RNF128: variants seen among roughly 807,000 people sequenced by gnomAD.
RNF128 encodes ring finger protein 128, also known as E3 ubiquitin-protein ligase RNF128.
In RNF128, 13 loss-of-function variants were observed where a neutral mutation model predicts 26.2. That is an observed-to-expected ratio of 0.50 (90% confidence interval 0.32 to 0.79). The LOEUF (loss-of-function observed/expected upper bound fraction) is 0.79, where lower values mean the gene tolerates loss of function less well. Among genes scored for constraint, RNF128 ranks in the 30% least tolerant of loss-of-function variants. The probability of loss-of-function intolerance (pLI) is 0.03; values close to 1 mark genes in which losing one functional copy is unlikely to be tolerated. For synonymous variants in RNF128, 149 were observed against 142.5 expected (o/e 1.05, Z -0.32); for missense variants, 315 against 349.7 (o/e 0.90, Z 0.79).
At chrX:106,766,431 A>C (rs985644483) in intron 1 of RNF128, among the ~76,000 whole-genome samples, 1 of 111,907 alleles carries the variant, frequency 8.9e-6, no homozygotes, top group Non-Finnish European at 1.9e-5. Context: ...ATGGTATCTC[A>C]TTGTAGTTTG....
chrX:106,772,941 C>T lies in RNF128; in HGVS notation c.513C>T (p.Ile171=), dbSNP rs201268269. The change falls in exon 2 of 7, where the codon ATC becomes ATT. Residue 171 remains isoleucine (I), a synonymous_variant. Coordinates refer to ENST00000255499, the MANE Select transcript of RNF128 (RefSeq NM_194463.2). ...CAGTAGACATTGTTGCAATCATGAT[C>T]GGCAATCTGAAAGGCACAAAAATTC... ...PGAVDIVAIM[I]GNLKGTKILQ... 3.8e-5 allele frequency: 46 copies of T among 1,207,473 alleles called. No individual in the cohort carries two copies. The highest frequency in any genetic ancestry group is 4.8e-5 in the Non-Finnish European group (43 of 893,833).
chrX:106,793,391 AGACT>A (rs1400209111), intron 6 of RNF128, among the ~76,000 whole-genome samples: 3 of 111,760 alleles, frequency 2.7e-5, no homozygotes, highest in Non-Finnish European at 5.7e-5. Context: ...AAATGATTTC[AGACT>A]GACTGACAAA....
At chrX:106,694,545 G>A (rs948002022) in intron 1 of RNF128, 21 of 348,530 alleles carry the variant, frequency 6.0e-5, no homozygotes, top group Non-Finnish European at 9.2e-5. Context: ...GGCACAACTT[G>A]TAATTACTTT....
At chrX:106,721,250 A>G (rs1929305505) in intron 1 of RNF128, among the ~76,000 whole-genome samples, 1 of 111,945 alleles carries the variant, frequency 8.9e-6, no homozygotes, top group African/African-American at 3.2e-5. Flanking sequence ...CACATTCTCT[A>G]TACCTATGTT....
intron 1 of RNF128, among the ~76,000 whole-genome samples, chrX:106,720,940 G>A (rs748751415): frequency 1.5e-4 from 17 of 111,554 alleles, no homozygotes; most frequent in South Asian, 3.8e-4. Context: ...TAGATACAGC[G>A]TATCTACTGT....
At chrX:106,749,781 T>A in intron 1 of RNF128, among the ~76,000 whole-genome samples, 1 of 110,161 alleles carries the variant, frequency 9.1e-6, no homozygotes, top group East Asian at 2.9e-4. Context: ...GGTGTACACC[T>A]GTATTCCCAA....
At chrX:106,765,846 A>G (rs748646337) in intron 1 of RNF128, among the ~76,000 whole-genome samples, 1 of 109,455 alleles carries the variant, frequency 9.1e-6, no homozygotes, top group Non-Finnish European at 1.9e-5. Context: ...TATTAGGTTT[A>G]TCTCCTAATG....
At chrX:106,706,386 G>GA (rs772023458) in intron 1 of RNF128, among the ~76,000 whole-genome samples, 11,581 of 102,873 alleles carry the variant, frequency 0.11, 1,512 homozygotes, top group African/African-American at 0.38. Context: ...TTCCTTATGT[G>GA]AAAAAAAAAC....
chrX:106,717,116 T>C (rs996091944), intron 1 of RNF128, among the ~76,000 whole-genome samples: 1 of 108,365 alleles, frequency 9.2e-6, no homozygotes, highest in Non-Finnish European at 1.9e-5. Context: ...GGCAGGAGAA[T>C]GGCGTGGACC....
chrX:106,737,037 A>C (rs1310718367), intron 1 of RNF128, among the ~76,000 whole-genome samples: 5 of 111,179 alleles, frequency 4.5e-5, no homozygotes, highest in Non-Finnish European at 9.4e-5. Context: ...TTTCTGTGTC[A>C]TGTTGACCAA....
chrX:106,706,903 A>G (rs1311224933), intron 1 of RNF128, among the ~76,000 whole-genome samples: 1 of 110,658 alleles, frequency 9.0e-6, no homozygotes, highest in Non-Finnish European at 1.9e-5. Context: ...TTTTCAGTTC[A>G]CTCTCCCTCT....
chrX:106,725,877 G>T (rs1929384604), upstream of RNF128, among the ~76,000 whole-genome samples: 1 of 113,062 alleles, frequency 8.8e-6, no homozygotes, highest in Non-Finnish European at 1.9e-5. Flanking sequence ...AGTTGACAGG[G>T]TAGACAAAAA....
At chrX:106,780,410 C>T (rs924165232) in intron 2 of RNF128, among the ~76,000 whole-genome samples, 6 of 111,563 alleles carry the variant, frequency 5.4e-5, no homozygotes, top group African/African-American at 1.3e-4. Context: ...CTAACTAGAG[C>T]GAATGCAGCT....
chrX:106,739,347 C>T (rs1472400895), intron 1 of RNF128, among the ~76,000 whole-genome samples: 4 of 110,223 alleles, frequency 3.6e-5, no homozygotes, highest in Non-Finnish European at 7.6e-5. Context: ...TTAGTAGAGG[C>T]GGGGTTTCAC....
At chrX:106,720,622 G>T (rs1367285153) in intron 1 of RNF128, among the ~76,000 whole-genome samples, 3 of 110,736 alleles carry the variant, frequency 2.7e-5, no homozygotes, top group Non-Finnish European at 3.8e-5. Context: ...TTTCCACCTT[G>T]TAATAATGTT....
intron 1 of RNF128, among the ~76,000 whole-genome samples, chrX:106,751,786 C>G (rs1225413362): frequency 9.1e-6 from 1 of 109,595 alleles, no homozygotes; most frequent in Non-Finnish European, 1.9e-5. Context: ...GGGAACCCAC[C>G]AATTTGAAGG....
At chrX:106,723,439 C>T (rs183214165), upstream of RNF128, among the ~76,000 whole-genome samples, 46 of 110,560 alleles carry the variant, frequency 4.2e-4, no homozygotes, top group African/African-American at 1.2e-3. Flanking sequence ...TGGTGGCACG[C>T]GCCTGTAATT....
At position 106,790,168 on chromosome X, in the gene RNF128, GT is replaced by G. The variant is rs753834713; in HGVS notation, c.888-11del. On this transcript the variant is annotated splice_polypyrimidine_tract_variant and intron_variant, in intron 4 of 6. Coordinates refer to ENST00000255499, the MANE Select transcript of RNF128 (RefSeq NM_194463.2). ...TTGCTACTTTACAACTGATAATTAT[GT>G]TTTTTTCCTGAATTAGCCATATTTT... 4 of 1,087,697 alleles carry G rather than the reference GT, an allele frequency of 3.7e-6. No individual in the cohort carries two copies. Among genetic ancestry groups the G allele is most frequent in the East Asian group, 3.0e-5 (1 of 32,934 alleles). The allele number at this position is 1,087,697 out of a possible 1,213,427, so 89.6% of individuals were successfully genotyped here.
At chrX:106,739,661 C>A (rs939589343) in intron 1 of RNF128, among the ~76,000 whole-genome samples, 2 of 111,641 alleles carry the variant, frequency 1.8e-5, no homozygotes, top group African/African-American at 6.5e-5. Flanking sequence ...CTTTCAGAAA[C>A]AATTTATAGT....
Sources: gnomAD v4.1 joint callset for allele counts (sites outside exome capture counted in the v4.1 genomes callset) on GRCh38, gnomAD v4.1.1 for gene constraint, MANE v1.5 for transcripts, NCBI Gene and HGNC (gene_info 2026-07-23, HGNC 2026-07-21) for gene names.